Variants in PBX1 observed in about 807,000 individuals in gnomAD.
PBX1 encodes the protein PBX homeobox 1, also known as pre-B-cell leukemia transcription factor 1.
PBX1 carries 6 observed loss-of-function variants against 53.4 expected under a neutral mutation model. The ratio of observed to expected loss-of-function variants is 0.11; its 90% CI spans 0.06 to 0.22. The LOEUF (loss-of-function observed/expected upper bound fraction) is 0.22. Among genes scored for constraint, PBX1 ranks in the 10% least tolerant of loss-of-function variants. PBX1 has a pLI of 1.00. For missense variants in PBX1, 251 were observed against 551.4 expected (o/e 0.46, Z 5.46); for synonymous variants, 204 against 212.3 (o/e 0.96, Z 0.34).
chr1:164,768,638 G>T (rs1402803128), intron 2 of PBX1, among the ~76,000 whole-genome samples: 1 of 152,208 alleles, frequency 6.6e-6, no homozygotes, highest in Non-Finnish European at 1.5e-5. Context: ...GCTGAGTGTA[G>T]CGGAAGAAGA....
At chr1:164,708,518 CAA>C (rs762115102) in intron 2 of PBX1, among the ~76,000 whole-genome samples, 2 of 152,154 alleles carry the variant, frequency 1.3e-5, no homozygotes, top group African/African-American at 4.8e-5. Context: ...ACACAGCACT[CAA>C]GAGAGTGTTT....
intron 2 of PBX1, among the ~76,000 whole-genome samples, chr1:164,571,918 C>CTT (rs536497681): frequency 0.012 from 525 of 42,352 alleles, 34 homozygotes; most frequent in African/African-American, 0.043. Context: ...TATATATATG[C>CTT]TTTTTTTTTT....
chr1:164,833,272 T>A (rs1418652565), intron 8 of PBX1, among the ~76,000 whole-genome samples: 1 of 152,088 alleles, frequency 6.6e-6, no homozygotes, highest in Admixed American at 6.6e-5. Flanking sequence ...TCATTCCTTG[T>A]CTAATGTGGT....
intron 2 of PBX1, among the ~76,000 whole-genome samples, chr1:164,661,755 T>C (rs1444392616): frequency 1.3e-5 from 2 of 152,166 alleles, no homozygotes; most frequent in African/African-American, 2.4e-5. Context: ...TTGACCTTTG[T>C]AATTTTATTT....
At chr1:164,625,492 A>G (rs1288102946) in intron 2 of PBX1, among the ~76,000 whole-genome samples, 1 of 152,188 alleles carries the variant, frequency 6.6e-6, no homozygotes, top group Non-Finnish European at 1.5e-5. Flanking sequence ...CTGAAGGAAG[A>G]TTGTGTATGA....
chr1:164,595,870 T>C (rs184642570), intron 2 of PBX1, among the ~76,000 whole-genome samples: 41 of 152,188 alleles, frequency 2.7e-4, no homozygotes, highest in South Asian at 1.0e-3. Context: ...GAAAAATACG[T>C]TTTAGGGAAA....
rs552348045 is a variant in PBX1, at chr1:164,844,967, T to G, written c.1201-1617T>G. Among the ~76,000 whole-genome samples, 15 of 152,294 alleles carry G rather than the reference T, an allele frequency of 9.8e-5. 1 individual carries two copies. In the South Asian group the frequency reaches 2.9e-3, roughly 29 times the overall value. ...AGTGAGAGGAGTGACTTGACTGGGT[T>G]AGGAGATGGGAGATTGGAACTTGAG... On this transcript the variant is annotated intron_variant, in intron 8 of 8. Coordinates refer to ENST00000420696, the MANE Select transcript of PBX1 (RefSeq NM_002585.4).
At chr1:164,686,753 T>C (rs1452842011) in intron 2 of PBX1, among the ~76,000 whole-genome samples, 6 of 151,706 alleles carry the variant, frequency 4.0e-5, no homozygotes, top group Non-Finnish European at 7.4e-5. Flanking sequence ...GGTCAGGAGA[T>C]TGAGACCATC....
chr1:164,849,062 G>A lies in PBX1; in HGVS notation c.*2386G>A, dbSNP rs1012385065. On this transcript the variant is annotated 3_prime_UTR_variant, in exon 9 of 9. Transcript: ENST00000420696. ...AATCAGTGGAGAACTCCATCTTAGT[G>A]GCAGGAATATAATGAAACTACCCAC... 1.6e-6 allele frequency: 2 copies of A among 1,282,706 alleles called. No individual in the cohort carries two copies. Among genetic ancestry groups the A allele is most frequent in the Non-Finnish European group, 2.0e-6 (2 of 1,009,254 alleles). The allele number at this position is 1,282,706 out of a possible 1,614,324, so 79.5% of individuals were successfully genotyped here. A position where few individuals can be genotyped will look rare whatever the true frequency, so the allele number is the denominator to read the frequency against.
chr1:164,674,493 C>G (rs1661307561), intron 2 of PBX1: 1 of 152,166 alleles, frequency 6.6e-6, no homozygotes, highest in African/African-American at 2.4e-5. Context: ...TTTCCAGTTA[C>G]AGAGACAGTT....
At chr1:164,665,801 G>T (rs1004556479) in intron 2 of PBX1, among the ~76,000 whole-genome samples, 1 of 152,160 alleles carries the variant, frequency 6.6e-6, no homozygotes, top group Non-Finnish European at 1.5e-5. Context: ...TGTCATCGTG[G>T]ATGGCAAAAG....
chr1:164,856,972 G>A (rs1385422641), intron 2 of PBX1, among the ~76,000 whole-genome samples: 1 of 152,052 alleles, frequency 6.6e-6, no homozygotes, highest in East Asian at 1.9e-4. Flanking sequence ...GCTACTGCCA[G>A]GTTCTTCCTG....
chr1:164,876,656 T>C (rs747590083), intron 2 of PBX1, among the ~76,000 whole-genome samples: 1 of 151,974 alleles, frequency 6.6e-6, no homozygotes, highest in Non-Finnish European at 1.5e-5. Context: ...ATTAAGGTAA[T>C]AGAAGAGTGG....
intron 2 of PBX1, among the ~76,000 whole-genome samples, chr1:164,563,536 A>G (rs778680426): frequency 3.9e-5 from 6 of 152,154 alleles, no homozygotes; most frequent in Non-Finnish European, 8.8e-5. Flanking sequence ...CCAGAACTCT[A>G]TTTCCAGCCT....
In PBX1 at chr1:164,847,417, G is replaced by T; in HGVS notation, c.*741G>T. The T allele has an allele frequency of 9.4e-7, 1 of 1,064,228 alleles. No homozygotes were observed. Among genetic ancestry groups the T allele is most frequent in the Non-Finnish European group, 1.1e-6 (1 of 878,598 alleles). 65.9% of individuals were successfully genotyped at this position (1,064,228 alleles called of 1,614,324 possible). On this transcript the variant is annotated 3_prime_UTR_variant, in exon 9 of 9. Coordinates refer to ENST00000420696, the MANE Select transcript of PBX1 (RefSeq NM_002585.4). ...GAAGGACACGGGAACAGCAGGTGGA[G>T]AATTCCTACAGTCTTTCTTACCCTG...
intron 2 of PBX1, among the ~76,000 whole-genome samples, chr1:164,707,983 T>A (rs1233053269): frequency 6.6e-6 from 1 of 152,216 alleles, no homozygotes; most frequent in Non-Finnish European, 1.5e-5. Flanking sequence ...CAGGCTAGAC[T>A]TCAAGTGGCT....
intron 5 of PBX1, 137 bp downstream of exon 5, chr1:164,807,814 A>G: frequency 1.0e-6 from 1 of 988,974 alleles, no homozygotes; most frequent in Non-Finnish European, 1.5e-6. Context: ...TATCAAGGTA[A>G]GCACTTGATG....
intron 2 of PBX1, chr1:164,564,060 G>A (rs1653256208): frequency 6.6e-6 from 1 of 152,124 alleles, no homozygotes; most frequent in Non-Finnish European, 1.5e-5. Flanking sequence ...AGGACATTTA[G>A]CGACATCCCC....
At chr1:164,704,284 C>T (rs1195070505) in intron 2 of PBX1, among the ~76,000 whole-genome samples, 7 of 152,180 alleles carry the variant, frequency 4.6e-5, no homozygotes, top group Non-Finnish European at 1.0e-4. Context: ...ACAGTCAGTT[C>T]AAACATATAA....
Sources: gnomAD v4.1 joint callset for allele counts (sites outside exome capture counted in the v4.1 genomes callset) on GRCh38, gnomAD v4.1.1 for gene constraint, MANE v1.5 for transcripts, NCBI Gene and HGNC (gene_info 2026-07-23, HGNC 2026-07-21) for gene names.